PUS7L: variants seen among roughly 807,000 people sequenced by gnomAD.
The protein encoded by PUS7L is pseudouridine synthase 7 like.
Under a neutral mutation model 51.1 loss-of-function variants are expected in PUS7L, and 49 were observed. The ratio of observed to expected loss-of-function variants is 0.96; its 90% CI spans 0.76 to 1.22. PUS7L has a LOEUF of 1.22. Among genes scored for constraint, PUS7L ranks in the 50% most tolerant of loss-of-function variants. The pLI, the probability that PUS7L is intolerant of heterozygous loss-of-function variation, is 0.00. For missense variants in PUS7L, 828 were observed against 820.6 expected (o/e 1.01, Z -0.11); for synonymous variants, 277 against 276.2 (o/e 1.00, Z -0.03).
rs1944506852 is a variant in PUS7L at position 43,729,732 on chromosome 12, A to G, written c.*644T>C. On this transcript the variant is annotated 3_prime_UTR_variant, in exon 9 of 9. Transcript: ENST00000344862. The stretch of plus-strand genomic sequence containing the variant: ...CTGACTCTAACACCTGTTTTAGATA[A>G]TATGAAAAAATTACAAATGGTCAAG... 1 of 152,520 alleles carries G rather than the reference A, an allele frequency of 6.6e-6. No homozygotes were observed. Among genetic ancestry groups the G allele is most frequent in the African/African-American group, 2.4e-5 (1 of 41,476 alleles). 9.4% of individuals were successfully genotyped at this position (152,520 alleles called of 1,614,324 possible). A position where few individuals can be genotyped will look rare whatever the true frequency, so the allele number is the denominator to read the frequency against.
At position 43,721,083 on chromosome 12, in the gene PUS7L, A is replaced by G. The variant is rs538728914; in HGVS notation, c.*9293T>C. The G allele has an allele frequency of 2.6e-5, 4 of 152,168 alleles. No individual in the cohort carries two copies. The highest frequency in any genetic ancestry group is 9.7e-5 in the African/African-American group (4 of 41,426). The allele number at this position is 152,168 out of a possible 1,614,324, so 9.4% of individuals were successfully genotyped here. ...TCCCCAACTTTCCTTAATGTCATAAAGTTTTAGAAATATGCAGATAAATTC... is the reference window on the plus strand; with the variant it reads ...TCCCCAACTTTCCTTAATGTCATAAGGTTTTAGAAATATGCAGATAAATTC... On this transcript the variant is annotated 3_prime_UTR_variant, in exon 9 of 9. Coordinates refer to ENST00000344862, the MANE Select transcript of PUS7L (RefSeq NM_031292.5).
Position 43,719,348 on chromosome 12 carries a change from A to T in PUS7L, c.*11028T>A, listed in dbSNP as rs1944369269. 6.6e-6 allele frequency: 1 copy of T among 152,208 alleles called. No homozygotes were observed. Among genetic ancestry groups the T allele is most frequent in the South Asian group, 2.1e-4 (1 of 4,828 alleles). 9.4% of individuals were successfully genotyped at this position (152,208 alleles called of 1,614,324 possible). A position where few individuals can be genotyped will look rare whatever the true frequency, so the allele number is the denominator to read the frequency against. ...ATACATGGGTGGTAAAGCTATCAAGAAAAGTAAGAAAAGTATTATAAAAGT... is the reference window on the plus strand; with the variant it reads ...ATACATGGGTGGTAAAGCTATCAAGTAAAGTAAGAAAAGTATTATAAAAGT... On this transcript the variant is annotated 3_prime_UTR_variant, in exon 9 of 9. Transcript: ENST00000344862.
chr12:43,749,433 C>T (rs560986568), intron 2 of PUS7L, among the ~76,000 whole-genome samples: 1 of 152,262 alleles, frequency 6.6e-6, no homozygotes, highest in East Asian at 1.9e-4. Context: ...CCTGTAATCT[C>T]GGCACTCTGG....
intron 7 of PUS7L, among the ~76,000 whole-genome samples, chr12:43,732,804 T>C (rs1381111931): frequency 6.6e-6 from 1 of 152,216 alleles, no homozygotes; most frequent in African/African-American, 2.4e-5. Flanking sequence ...AGGGTTTGTT[T>C]TTTTGTTTAT....
Position 43,721,977 on chromosome 12 carries a change from G to A in PUS7L, c.*8399C>T, listed in dbSNP as rs923839770. The A allele has an allele frequency of 1.3e-5, 2 of 152,130 alleles. No homozygotes were observed. The highest frequency in any genetic ancestry group is 4.8e-5 in the African/African-American group (2 of 41,442). The allele number at this position is 152,130 out of a possible 1,614,324, so 9.4% of individuals were successfully genotyped here. On this transcript the variant is annotated 3_prime_UTR_variant, in exon 9 of 9. Coordinates refer to ENST00000344862, the MANE Select transcript of PUS7L (RefSeq NM_031292.5). ...AAAATAAATTACCTTCAGGTTATGT[G>A]TATAAGGTATATATGAAACATAAAT... is the stretch of plus-strand genomic sequence containing the variant.
Position 43,730,350 on chromosome 12 carries a change from A to G in PUS7L, c.*26T>C, listed in dbSNP as rs762590834. The stretch of plus-strand genomic sequence containing the variant: ...CCCTTTCCTTCAAAGAGTGACATAT[A>G]TATGGTTATACCAAGGGTATCAGTT... On this transcript the variant is annotated 3_prime_UTR_variant, in exon 9 of 9. Coordinates refer to ENST00000344862, the MANE Select transcript of PUS7L (RefSeq NM_031292.5). 2 of 1,570,218 alleles carry G rather than the reference A, an allele frequency of 1.3e-6. No homozygotes were observed. Among genetic ancestry groups the G allele is most frequent in the Non-Finnish European group, 1.7e-6 (2 of 1,143,286 alleles).
At position 43,730,667 on chromosome 12, in the gene PUS7L, G is replaced by T. The variant is rs1944531331; in HGVS notation, c.1815C>A (p.Tyr605Ter). The change falls in exon 9 of 9, where the codon TAC (tyrosine) becomes TAA (stop). Residue 605 changes from tyrosine to a stop codon, truncating the protein, a stop_gained. Coordinates refer to ENST00000344862, the MANE Select transcript of PUS7L (RefSeq NM_031292.5). LOFTEE classifies it low-confidence loss of function (END_TRUNC). ...VLPVLGYNIQ[Y>*]PKNKVGQWYH... Reference sequence around the variant, plus strand: ...ACCACTGCCCTACTTTGTTCTTCGGGTACTGAATATTGTATCCAAGTACTG... The same window carrying T: ...ACCACTGCCCTACTTTGTTCTTCGGTTACTGAATATTGTATCCAAGTACTG... 6.2e-7 allele frequency: 1 copy of T among 1,611,922 alleles called. No homozygotes were observed. Among genetic ancestry groups the T allele is most frequent in the Non-Finnish European group, 8.5e-7 (1 of 1,178,436 alleles).
intron 3 of PUS7L, among the ~76,000 whole-genome samples, chr12:43,747,295 T>C (rs1034228364): frequency 2.0e-5 from 3 of 152,226 alleles, no homozygotes; most frequent in African/African-American, 7.2e-5. Context: ...AATTAGTCTA[T>C]ATGATAGACA....
In PUS7L at chr12:43,736,641, A is replaced by G. The variant is rs773202335; in HGVS notation, c.1465T>C (p.Ser489Pro). The G allele has an allele frequency of 3.1e-6, 5 of 1,613,704 alleles. No homozygotes were observed. In the Admixed American group the frequency reaches 5.0e-5, roughly 16 times the overall value. ...LQTEDAKGTL[S>P]LMPEFKVRER... ...CGCACTTTGAATTCAGGCATCAATG[A>G]AAGTGTGCCTTTAGCATCCTCTGAA... The change falls in exon 7 of 9, where the codon TCA (serine) becomes CCA (proline). Residue 489 changes from serine (S) to proline (P), a missense_variant. Transcript: ENST00000344862.
chr12:43,741,635 T>C lies in PUS7L; in HGVS notation c.1362+822A>G, dbSNP rs539534296. 2.6e-5 allele frequency among the ~76,000 whole-genome samples: 4 copies of C among 152,368 alleles called. No individual in the cohort carries two copies. In the South Asian group the frequency reaches 8.3e-4, roughly 32 times the overall value. ...GAGGTAAACATTTCTAGACTCTTTA[T>C]TATATCAGTTATATTCCAGTTGCTA... On this transcript the variant is annotated intron_variant, in intron 5 of 8. Transcript: ENST00000344862.
At chr12:43,743,460 G>A (rs1052530161) in intron 4 of PUS7L, among the ~76,000 whole-genome samples, 3 of 152,178 alleles carry the variant, frequency 2.0e-5, no homozygotes, top group African/African-American at 4.8e-5. Flanking sequence ...TTTATCTCAT[G>A]TCATTTAAAA....
intron 3 of PUS7L, among the ~76,000 whole-genome samples, chr12:43,746,821 G>A (rs1211898877): frequency 2.0e-5 from 3 of 152,198 alleles, no homozygotes; most frequent in Middle Eastern, 3.4e-3. Context: ...TTTACTGCCC[G>A]CAAATGTATC....
At position 43,754,354 on chromosome 12, in the gene PUS7L, C is replaced by T. The variant is rs371018671; in HGVS notation, c.892G>A (p.Gly298Arg). The change falls in exon 2 of 9, where the codon GGA becomes AGA. Residue 298 changes from glycine (G) to arginine (R), a missense_variant. Physicochemically the swap from Gly to Arg is moderately radical, Grantham distance 125. Transcript: ENST00000344862. ...GKRPLSECQE[G>R]KVIYTAFTLR... ...AAATTACCTGTATATATAACTTTTCCTTCTTGGCATTCAGAAAGAGGCCTT... is the reference window on the plus strand; with the variant it reads ...AAATTACCTGTATATATAACTTTTCTTTCTTGGCATTCAGAAAGAGGCCTT... 6.3e-7 allele frequency: 1 copy of T among 1,594,096 alleles called. No individual in the cohort carries two copies. The highest frequency in any genetic ancestry group is 8.5e-7 in the Non-Finnish European group (1 of 1,172,348).
intron 2 of PUS7L, among the ~76,000 whole-genome samples, chr12:43,752,996 T>C (rs57291280): frequency 0.088 from 13,461 of 152,182 alleles, 1,442 homozygotes; most frequent in African/African-American, 0.26. Context: ...GAATTTAAAC[T>C]AATATATAAA....
Position 43,754,616 on chromosome 12 carries a change from T to C in PUS7L, c.630A>G (p.Val210=), listed in dbSNP as rs746764355. The change falls in exon 2 of 9, where the codon GTA becomes GTG. Residue 210 remains valine (V), a synonymous_variant. Transcript: ENST00000344862. ...NLEYKELCHL[V]SEEEAFDFFK... ...AAAAGTCAAATGCTTCCTCTTCAGA[T>C]ACCAAATGACAAAGTTCTTTATATT... 3 of 1,613,106 alleles carry C rather than the reference T, an allele frequency of 1.9e-6. No individual in the cohort carries two copies. Among genetic ancestry groups the C allele is most frequent in the Non-Finnish European group, 2.5e-6 (3 of 1,179,650 alleles).
rs947507817 is a variant in PUS7L, at chr12:43,729,998, A to C, written c.*378T>G. The C allele has an allele frequency of 4.7e-5, 8 of 169,890 alleles. No individual in the cohort carries two copies. In the South Asian group the frequency reaches 1.1e-3, roughly 24 times the overall value. The allele number at this position is 169,890 out of a possible 1,614,324, so 10.5% of individuals were successfully genotyped here. On this transcript the variant is annotated 3_prime_UTR_variant, in exon 9 of 9. Transcript: ENST00000344862. Reference sequence around the variant, plus strand: ...TCCAACATTTGCTTCACTGCGACCTAATTTTACTAGTGTTCTAAGCAAGGA... The same window carrying C: ...TCCAACATTTGCTTCACTGCGACCTCATTTTACTAGTGTTCTAAGCAAGGA...
Position 43,722,726 on chromosome 12 carries a change from C to T in PUS7L, c.*7650G>A, listed in dbSNP as rs1423132972. ...AAAAGAACACTAGTCCTTTATGTTC[C>T]CCTGCCACAGGGGAGGCATTGGAAA... On this transcript the variant is annotated 3_prime_UTR_variant, in exon 9 of 9. Transcript: ENST00000344862. 6.6e-6 allele frequency: 1 copy of T among 152,006 alleles called. No individual in the cohort carries two copies. Among genetic ancestry groups the T allele is most frequent in the African/African-American group, 2.4e-5 (1 of 41,404 alleles). The allele number at this position is 152,006 out of a possible 1,614,324, so 9.4% of individuals were successfully genotyped here.
rs548538707 is a variant in PUS7L, at chr12:43,738,366, G to A, written c.1388C>T (p.Thr463Ile). 2 of 1,590,442 alleles carry A rather than the reference G, an allele frequency of 1.3e-6. No individual in the cohort carries two copies. The highest frequency in any genetic ancestry group is 1.7e-6 in the Non-Finnish European group (2 of 1,159,994). ...TACAGGATCATCCAAGTCTTCTGGT[G>A]TAAGAAACAATTTTATGGCTTTCAT... ...EMMKAIKLFL[T>I]PEDLDDPVNR... The change falls in exon 6 of 9, where the codon ACA becomes ATA. Residue 463 changes from threonine to isoleucine, a missense_variant. By Grantham distance (89) the Thr-to-Ile change is moderately conservative. Coordinates refer to ENST00000344862, the MANE Select transcript of PUS7L (RefSeq NM_031292.5).
intron 6 of PUS7L, among the ~76,000 whole-genome samples, chr12:43,737,568 A>C (rs1167269194): frequency 1.3e-5 from 2 of 150,762 alleles, no homozygotes; most frequent in Admixed American, 6.6e-5. Flanking sequence ...TATTTAAATA[A>C]AGGTAATATT....
Sources: allele counts gnomAD v4.1 joint callset (sites outside exome capture counted in the v4.1 genomes callset), GRCh38; gene constraint gnomAD v4.1.1; transcripts MANE v1.5; gene names NCBI Gene and HGNC (gene_info 2026-07-23, HGNC 2026-07-21).